The following ALKBH8 variants were observed in gnomAD, a reference collection of about 807,000 sequenced individuals.
ALKBH8 encodes the protein tRNA (carboxymethyluridine(34)-5-O)-methyltransferase ALKBH8.
A neutral mutation model predicts 59.8 loss-of-function variants in ALKBH8; 36 were observed. The observed-to-expected ratio is 0.60, with a 90% CI of 0.46 to 0.79. The LOEUF (loss-of-function observed/expected upper bound fraction) is 0.79, where lower values mean the gene tolerates loss of function less well. Among genes scored for constraint, ALKBH8 ranks in the 30% least tolerant of loss-of-function variants. The pLI, the probability that ALKBH8 is intolerant of heterozygous loss-of-function variation, is 0.00. For synonymous variants in ALKBH8, 276 were observed against 273.6 expected (o/e 1.01, Z -0.09); for missense variants, 768 against 801.0 (o/e 0.96, Z 0.50).
intron 1 of ALKBH8, chr11:107,565,227 T>C: frequency 3.6e-6 from 1 of 278,650 alleles, no homozygotes; most frequent in South Asian, 5.8e-5. Flanking sequence ...GCGCAAGGGA[T>C]CAGATCATCA....
At chr11:107,543,653 T>C (rs1864135591) in intron 7 of ALKBH8, among the ~76,000 whole-genome samples, 1 of 152,242 alleles carries the variant, frequency 6.6e-6, no homozygotes. Flanking sequence ...CTTATCATTG[T>C]AATTATTTTA....
chr11:107,509,169 C>G (rs1286040891), intron 11 of ALKBH8, among the ~76,000 whole-genome samples: 1 of 152,162 alleles, frequency 6.6e-6, no homozygotes, highest in South Asian at 2.1e-4. Context: ...CTTGCCAACA[C>G]TTGTTATTTT....
At chr11:107,562,405 A>G (rs1468805289) in intron 1 of ALKBH8, among the ~76,000 whole-genome samples, 1 of 152,140 alleles carries the variant, frequency 6.6e-6, no homozygotes, top group African/African-American at 2.4e-5. Flanking sequence ...AATAAAAAGG[A>G]AAGTATTCAG....
At chr11:107,520,569 C>A (rs187543792) in intron 10 of ALKBH8, among the ~76,000 whole-genome samples, 21 of 152,202 alleles carry the variant, frequency 1.4e-4, no homozygotes, top group Non-Finnish European at 3.1e-4. Context: ...CATTTTTGGA[C>A]GTATCTTTAG....
At chr11:107,549,097 C>T (rs1230162569) in intron 7 of ALKBH8, among the ~76,000 whole-genome samples, 3 of 152,000 alleles carry the variant, frequency 2.0e-5, no homozygotes, top group Non-Finnish European at 4.4e-5. Flanking sequence ...GTGATCTGCC[C>T]GCCTCAGCCT....
intron 11 of ALKBH8, among the ~76,000 whole-genome samples, chr11:107,508,239 C>T (rs116630493): frequency 0.02 from 3,049 of 149,416 alleles, 102 homozygotes; most frequent in African/African-American, 0.067. Context: ...GGCACGATCT[C>T]GGCTCACTGC....
chr11:107,525,603 T>G lies in ALKBH8; in HGVS notation c.879-11A>C. The stretch of plus-strand genomic sequence containing the variant: ...TTTCTGCACGTGATTCTAAAAACAA[T>G]AGTCAAAAAAATTTACTTAACATTG... On this transcript the variant is annotated splice_polypyrimidine_tract_variant and intron_variant, in intron 8 of 11. Coordinates refer to ENST00000428149, the MANE Select transcript of ALKBH8 (RefSeq NM_138775.3). The G allele has an allele frequency of 7.4e-7, 1 of 1,354,374 alleles. No homozygotes were observed. The highest frequency in any genetic ancestry group is 9.5e-7 in the Non-Finnish European group (1 of 1,049,036). 83.9% of individuals were successfully genotyped at this position (1,354,374 alleles called of 1,614,324 possible). A position where few individuals can be genotyped will look rare whatever the true frequency, so the allele number is the denominator to read the frequency against.
chr11:107,545,657 G>A (rs909172424), intron 7 of ALKBH8, among the ~76,000 whole-genome samples: 7 of 152,130 alleles, frequency 4.6e-5, no homozygotes, highest in African/African-American at 1.7e-4. Context: ...CATAAAATTA[G>A]TACTTGCCCA....
rs66736211 is a variant in ALKBH8 at position 107,530,600 on chromosome 11, AACACACACACACAC to A, written c.878+1686_878+1699del. ...CATTTCCCCATCTCTCTCTCTTCCT[AACACACACACACAC>A]ACACACACACACACACACACACACA... On this transcript the variant is annotated intron_variant, in intron 8 of 11. Coordinates refer to ENST00000428149, the MANE Select transcript of ALKBH8 (RefSeq NM_138775.3). Among the ~76,000 whole-genome samples, 334 of 132,180 alleles carry A rather than the reference AACACACACACACAC, an allele frequency of 2.5e-3. 2 individuals are homozygous for A. The highest frequency in any genetic ancestry group is 5.2e-3 in the African/African-American group (172 of 32,996). 86.7% of individuals were successfully genotyped at this position (132,180 alleles called of 152,430 possible). A position where few individuals can be genotyped will look rare whatever the true frequency, so the allele number is the denominator to read the frequency against.
rs114033210 is a variant in ALKBH8 at position 107,557,241 on chromosome 11, C to T, written c.130-238G>A. Among the ~76,000 whole-genome samples, 879 of 152,208 alleles carry T rather than the reference C, an allele frequency of 5.8e-3. 7 individuals are homozygous for T. The highest frequency in any genetic ancestry group is 0.019 in the African/African-American group (799 of 41,546). On this transcript the variant is annotated intron_variant, in intron 2 of 11. Coordinates refer to ENST00000428149, the MANE Select transcript of ALKBH8 (RefSeq NM_138775.3). The stretch of plus-strand genomic sequence containing the variant: ...TGTGTTGTTTAAATAGCCAATTTCA[C>T]AAAATATTCATTTCTAAATGACCAT...
intron 10 of ALKBH8, among the ~76,000 whole-genome samples, chr11:107,519,856 A>G (rs910823371): frequency 6.6e-6 from 1 of 152,296 alleles, no homozygotes; most frequent in African/African-American, 2.4e-5. Context: ...TTACTATCTC[A>G]AAGCCTCTGT....
At chr11:107,547,477 T>C (rs188359431) in intron 7 of ALKBH8, among the ~76,000 whole-genome samples, 2 of 152,218 alleles carry the variant, frequency 1.3e-5, no homozygotes, top group Admixed American at 6.5e-5. Context: ...TTTACACGCA[T>C]GGATTACTCT....
At chr11:107,557,890 C>T (rs1483696890) in intron 2 of ALKBH8, among the ~76,000 whole-genome samples, 1 of 152,084 alleles carries the variant, frequency 6.6e-6, no homozygotes, top group East Asian at 1.9e-4. Flanking sequence ...AATTTATGTT[C>T]TATGACTTCT....
chr11:107,553,111 C>G lies in ALKBH8; in HGVS notation c.592G>C (p.Gly198Arg), dbSNP rs911448753. ...NNVDKDKPLS[G>R]GLPDICESFL... is the part of the protein sequence containing the mutation. Reference sequence around the variant, plus strand: ...TTATGTATTAGCAATTACTTACCCCCAGATAATGGCTTATCTTTATCTACA... The same window carrying G: ...TTATGTATTAGCAATTACTTACCCCGAGATAATGGCTTATCTTTATCTACA... The change falls in exon 5 of 12, where the codon GGG becomes CGG. Residue 198 changes from glycine to arginine, a missense_variant. Physicochemically the swap from Gly to Arg is moderately radical, Grantham distance 125. Transcript: ENST00000428149. 2.5e-6 allele frequency: 4 copies of G among 1,575,120 alleles called. No individual in the cohort carries two copies. Among genetic ancestry groups the G allele is most frequent in the Non-Finnish European group, 3.5e-6 (4 of 1,154,406 alleles).
chr11:107,536,482 A>G (rs1205269891), intron 7 of ALKBH8, among the ~76,000 whole-genome samples: 1 of 152,232 alleles, frequency 6.6e-6, no homozygotes, highest in Admixed American at 6.5e-5. Context: ...GCAATAAGCC[A>G]AAAATGAAAG....
chr11:107,522,717 G>A (rs1863170951), intron 9 of ALKBH8, among the ~76,000 whole-genome samples, 162 bp from the exon 10 acceptor site: 2 of 152,066 alleles, frequency 1.3e-5, no homozygotes, highest in African/African-American at 4.8e-5. Context: ...GTCTACTGAG[G>A]ACTGCTTGAG....
intron 7 of ALKBH8, among the ~76,000 whole-genome samples, chr11:107,540,194 A>G (rs892601378): frequency 4.6e-5 from 7 of 152,234 alleles, no homozygotes; most frequent in Non-Finnish European, 1.0e-4. Flanking sequence ...GCAGTACTGC[A>G]TATGTGAAAT....
chr11:107,528,852 T>A (rs1863458208), intron 8 of ALKBH8, among the ~76,000 whole-genome samples: 1 of 152,136 alleles, frequency 6.6e-6, no homozygotes, highest in Non-Finnish European at 1.5e-5. Context: ...AAATAATAGT[T>A]CAATATAATA....
intron 2 of ALKBH8, among the ~76,000 whole-genome samples, chr11:107,559,482 G>A (rs541530636): frequency 1.2e-4 from 18 of 151,992 alleles, no homozygotes; most frequent in Admixed American, 3.3e-4. Context: ...ACAAGCTTCA[G>A]AGGGGTCAAA....
Sources: allele counts gnomAD v4.1 joint callset (sites outside exome capture counted in the v4.1 genomes callset), GRCh38; gene constraint gnomAD v4.1.1; transcripts MANE v1.5; gene names NCBI Gene and HGNC (gene_info 2026-07-23, HGNC 2026-07-21).